Variants in KSR1 observed in about 807,000 individuals in gnomAD.
The protein encoded by KSR1 is kinase suppressor of ras.
In KSR1, 35 loss-of-function variants were observed where a neutral mutation model predicts 92.9. The observed-to-expected ratio is 0.38, with a 90% CI of 0.29 to 0.50. The LOEUF (loss-of-function observed/expected upper bound fraction) is 0.50, where lower values mean the gene tolerates loss of function less well. Among genes scored for constraint, KSR1 ranks in the 20% least tolerant of loss-of-function variants. KSR1 has a pLI of 0.94. For missense variants in KSR1, 972 were observed against 1,158.5 expected (o/e 0.84, Z 2.34); for synonymous variants, 467 against 472.6 (o/e 0.99, Z 0.15).
chr17:27,622,261 T>G, intron 20 of KSR1: 1 of 396,790 alleles, frequency 2.5e-6, no homozygotes, highest in Non-Finnish European at 4.6e-6. Flanking sequence ...GCTGGTCTTG[T>G]TTTTGTTTGG....
At chr17:27,564,825 TGTA>T (rs1368927169) in intron 2 of KSR1, among the ~76,000 whole-genome samples, 1 of 132,930 alleles carries the variant, frequency 7.5e-6, no homozygotes, top group East Asian at 2.5e-4. Context: ...GGCAGAGACG[TGTA>T]GAAACTTTTC....
chr17:27,465,181 A>G (rs1567736252), intron 1 of KSR1: 1 of 152,232 alleles, frequency 6.6e-6, no homozygotes, highest in Non-Finnish European at 1.5e-5. Flanking sequence ...TGCATTGAAA[A>G]AGTCTCCATT....
chr17:27,501,411 TTAAG>T (rs2069184886), intron 1 of KSR1, among the ~76,000 whole-genome samples: 1 of 149,284 alleles, frequency 6.7e-6, no homozygotes. Context: ...ATTTGCATAA[TTAAG>T]TAAGAGTTGA....
intron 1 of KSR1, among the ~76,000 whole-genome samples, chr17:27,536,198 A>C (rs1044613498): frequency 6.6e-6 from 1 of 152,178 alleles, no homozygotes; most frequent in African/African-American, 2.4e-5. Context: ...TCTCCAGCCG[A>C]AGGGCCCCTC....
chr17:27,548,761 C>T (rs573819818), intron 1 of KSR1, among the ~76,000 whole-genome samples: 5 of 151,692 alleles, frequency 3.3e-5, no homozygotes, highest in South Asian at 4.2e-4. Context: ...ACCCAGGAGG[C>T]GGAGGTTGCA....
chr17:27,483,603 G>C (rs77102851), intron 1 of KSR1: 1 of 128,482 alleles, frequency 7.8e-6, no homozygotes, highest in Non-Finnish European at 1.7e-5. Flanking sequence ...AAAAAAAAAA[G>C]AAATCACAGA....
chr17:27,605,608 A>C lies in KSR1; in HGVS notation c.1789A>C (p.Ile597Leu). 1.2e-6 allele frequency: 2 copies of C among 1,605,282 alleles called. No individual in the cohort carries two copies. Among genetic ancestry groups the C allele is most frequent in the South Asian group, 1.1e-5 (1 of 89,600 alleles). Reference protein sequence around the residue: ...PFEQVELGEPIGQGRWGRVHR... With the variant: ...PFEQVELGEPLGQGRWGRVHR... ...CGAGCAGGTAGAGCTGGGCGAGCCC[A>C]TCGGGCAGGGCCGCTGGGGCCGGGT... is the stretch of plus-strand genomic sequence containing the variant. The change falls in exon 14 of 21, where the codon ATC becomes CTC. Residue 597 changes from isoleucine to leucine, a missense_variant. Transcript: ENST00000644974.
chr17:27,489,396 G>A (rs918091217), intron 1 of KSR1, among the ~76,000 whole-genome samples: 3 of 152,186 alleles, frequency 2.0e-5, no homozygotes, highest in South Asian at 2.1e-4. Flanking sequence ...GAGGCAGGGG[G>A]CCTGGTTTGG....
intron 1 of KSR1, chr17:27,526,971 A>G (rs1249538645): frequency 1.7e-6 from 1 of 574,552 alleles, no homozygotes; most frequent in Admixed American, 2.9e-5. Context: ...ATGGGCCATA[A>G]TTGTTTTAGT....
At chr17:27,589,574 C>G (rs1029201508) in intron 6 of KSR1, among the ~76,000 whole-genome samples, 24 of 152,162 alleles carry the variant, frequency 1.6e-4, no homozygotes, top group Non-Finnish European at 3.5e-4. Context: ...TTGGTGGATG[C>G]ATTACAAACT....
intron 20 of KSR1, chr17:27,622,987 C>T (rs1444460138): frequency 2.8e-6 from 1 of 351,154 alleles, no homozygotes; most frequent in Non-Finnish European, 5.2e-6. Flanking sequence ...TCTTCTCTCT[C>T]AGTTCTACTT....
chr17:27,473,017 C>T lies in KSR1; in HGVS notation c.231+16143C>T, dbSNP rs547990593. Among the ~76,000 whole-genome samples, 453 of 152,322 alleles carry T rather than the reference C, an allele frequency of 3.0e-3. 5 individuals are homozygous for T. The highest frequency in any genetic ancestry group is 0.01 in the African/African-American group (429 of 41,574). ...GCCTCTGTCTACCTCTCTGGCTCAC[C>T]TTCAGCCTCCCAGATAGCTGGGACC... On this transcript the variant is annotated intron_variant, in intron 1 of 20. Coordinates refer to ENST00000644974, the MANE Select transcript of KSR1 (RefSeq NM_001394583.1).
At chr17:27,549,451 T>C (rs1437945237) in intron 1 of KSR1, among the ~76,000 whole-genome samples, 1 of 152,214 alleles carries the variant, frequency 6.6e-6, no homozygotes, top group Non-Finnish European at 1.5e-5. Flanking sequence ...ATGCCCTCCT[T>C]GTGCTTCTCT....
chr17:27,603,352 AATGAGCCACCTGC>A (rs1364541864), intron 11 of KSR1, among the ~76,000 whole-genome samples: 1 of 152,200 alleles, frequency 6.6e-6, no homozygotes, highest in Non-Finnish European at 1.5e-5. Context: ...AGGTGTCGCT[AATGAGCCACCTGC>A]ATGTCCTGCC....
At chr17:27,598,610 C>T (rs2073431487) in intron 10 of KSR1, among the ~76,000 whole-genome samples, 1 of 152,238 alleles carries the variant, frequency 6.6e-6, no homozygotes. Context: ...CTCTCCCATT[C>T]TGCTCTGTCT....
At chr17:27,549,834 A>G (rs370366855) in intron 1 of KSR1, among the ~76,000 whole-genome samples, 62 of 152,076 alleles carry the variant, frequency 4.1e-4, no homozygotes, top group African/African-American at 1.5e-3. Flanking sequence ...CAAGATGGAG[A>G]CCTTTGACAA....
At chr17:27,503,049 C>A (rs1186172990) in intron 1 of KSR1, among the ~76,000 whole-genome samples, 1 of 152,182 alleles carries the variant, frequency 6.6e-6, no homozygotes, top group Non-Finnish European at 1.5e-5. Flanking sequence ...TCACAACGAC[C>A]CTTTGAGGTG....
intron 1 of KSR1, among the ~76,000 whole-genome samples, chr17:27,467,041 C>T (rs907170315): frequency 6.6e-6 from 1 of 152,222 alleles, no homozygotes; most frequent in Non-Finnish European, 1.5e-5. Context: ...GTAGCATTTA[C>T]TTTTCACAAC....
intron 1 of KSR1, among the ~76,000 whole-genome samples, chr17:27,505,047 T>C (rs1463287838): frequency 6.6e-6 from 1 of 152,178 alleles, no homozygotes. Flanking sequence ...CAGAAAGGGA[T>C]GGTTCAGATC....
Sources: allele counts gnomAD v4.1 joint callset (sites outside exome capture counted in the v4.1 genomes callset), GRCh38; gene constraint gnomAD v4.1.1; transcripts MANE v1.5; gene names NCBI Gene and HGNC (gene_info 2026-07-23, HGNC 2026-07-21).